The following RIMS2 variants were observed in gnomAD, a reference collection of about 807,000 sequenced individuals.
RIMS2 encodes regulating synaptic membrane exocytosis 2, also known as regulating synaptic membrane exocytosis protein 2.
RIMS2 carries 59 observed loss-of-function variants against 174.4 expected under a neutral mutation model. The observed-to-expected ratio is 0.34, with a 90% CI of 0.27 to 0.42. The LOEUF is 0.42. Among genes scored for constraint, RIMS2 ranks in the 10% least tolerant of loss-of-function variants. The pLI is 1.00. For missense variants in RIMS2, 1,620 were observed against 1,666.3 expected, an observed-to-expected ratio of 0.97 and a Z score of 0.48; for synonymous variants, 606 against 572.5, an observed-to-expected ratio of 1.06 and a Z score of -0.84.
chr8:104,127,003 C>G (rs1245555850), intron 19 of RIMS2, among the ~76,000 whole-genome samples: 1 of 152,056 alleles, frequency 6.6e-6, no homozygotes, highest in African/African-American at 2.4e-5. Context: ...TCTAAATTAT[C>G]TGAAACTCAG....
intron 20 of RIMS2, among the ~76,000 whole-genome samples, 194 bp from the exon 27 acceptor site, chr8:104,248,507 G>A (rs754699327): frequency 1.2e-4 from 19 of 152,158 alleles, no homozygotes; most frequent in Admixed American, 2.0e-4. Flanking sequence ...AGGTGCTTCT[G>A]GTGTCATACT....
chr8:104,205,128 A>G (rs2099073889), intron 19 of RIMS2, among the ~76,000 whole-genome samples: 1 of 152,192 alleles, frequency 6.6e-6, no homozygotes, highest in African/African-American at 2.4e-5. Flanking sequence ...GTAGGGAGAT[A>G]AGAAAGCAAT....
At chr8:103,792,043 A>G (rs1009777767) in intron 3 of RIMS2, among the ~76,000 whole-genome samples, 2 of 152,170 alleles carry the variant, frequency 1.3e-5, no homozygotes, top group Non-Finnish European at 2.9e-5. Context: ...ATATCCAGGA[A>G]TTGAACTCAG....
At chr8:104,101,204 G>A (rs914589841) in intron 19 of RIMS2, among the ~76,000 whole-genome samples, 1 of 150,548 alleles carries the variant, frequency 6.6e-6, no homozygotes, top group Admixed American at 6.6e-5. Context: ...TCGGCTCGCT[G>A]CAACTTCCGT....
chr8:104,000,014 A>G (rs768305183), intron 17 of RIMS2, among the ~76,000 whole-genome samples: 11 of 151,778 alleles, frequency 7.2e-5, no homozygotes, highest in Admixed American at 2.0e-4. Context: ...TTTAGTATGT[A>G]TATTTACATG....
chr8:104,022,420 G>T (rs926351559), intron 19 of RIMS2, among the ~76,000 whole-genome samples: 1 of 151,782 alleles, frequency 6.6e-6, no homozygotes, highest in Non-Finnish European at 1.5e-5. Flanking sequence ...TTGCTCTCTC[G>T]CCCAGGCTGG....
chr8:103,670,810 A>G (rs1026037801), intron 1 of RIMS2, among the ~76,000 whole-genome samples: 8 of 152,222 alleles, frequency 5.3e-5, no homozygotes, highest in African/African-American at 1.9e-4. Flanking sequence ...GGAAGTTCCA[A>G]ACTTTCCCAC....
intron 19 of RIMS2, among the ~76,000 whole-genome samples, chr8:104,183,076 A>G (rs2098949161): frequency 6.6e-6 from 1 of 151,746 alleles, no homozygotes; most frequent in South Asian, 2.1e-4. Flanking sequence ...CCCATATTAA[A>G]TGTTGCTTGC....
At chr8:103,885,892 T>C (rs2099197994) in exon 4 of RIMS2, 1 of 1,612,722 alleles carries the variant, frequency 6.2e-7, no homozygotes, top group Non-Finnish European at 8.5e-7. Context: ...CCACAAACCA[T>C]AGTCCTCCTA....
chr8:104,116,173 TA>T (rs983079742), intron 19 of RIMS2, among the ~76,000 whole-genome samples: 17 of 152,200 alleles, frequency 1.1e-4, no homozygotes, highest in African/African-American at 3.9e-4. Context: ...GTTTGGTGGT[TA>T]ATAATTTCAC....
intron 17 of RIMS2, among the ~76,000 whole-genome samples, chr8:104,006,727 T>A (rs548051816): frequency 6.6e-6 from 1 of 151,364 alleles, no homozygotes; most frequent in East Asian, 2.0e-4. Flanking sequence ...TACATATGCT[T>A]CCTTCACTCC....
intron 19 of RIMS2, chr8:104,223,310 T>G (rs2099164677): frequency 2.1e-6 from 2 of 965,352 alleles, no homozygotes; most frequent in Non-Finnish European, 2.5e-6. Context: ...CAGCGGCATC[T>G]CCCTGCGCGG....
chr8:104,115,370 T>C (rs186339543), intron 19 of RIMS2, among the ~76,000 whole-genome samples: 26 of 152,216 alleles, frequency 1.7e-4, no homozygotes, highest in Non-Finnish European at 2.9e-4. Context: ...TAAAACGATC[T>C]TTGAAATGGT....
chr8:104,214,264 T>C (rs2511558), intron 19 of RIMS2, among the ~76,000 whole-genome samples: 47,048 of 152,116 alleles, frequency 0.31, 7,362 homozygotes, highest in African/African-American at 0.34. Flanking sequence ...CTGAGACTGT[T>C]TTTCTTGGGT....
intron 19 of RIMS2, among the ~76,000 whole-genome samples, chr8:104,108,217 G>A (rs934683655): frequency 6.6e-6 from 1 of 151,836 alleles, no homozygotes; most frequent in African/African-American, 2.4e-5. Context: ...AATTCTAATG[G>A]TATCTTTTGT....
At chr8:103,711,327 A>G (rs1235139250) in intron 2 of RIMS2, among the ~76,000 whole-genome samples, 1 of 152,214 alleles carries the variant, frequency 6.6e-6, no homozygotes, top group Non-Finnish European at 1.5e-5. Flanking sequence ...AGAAATATAG[A>G]AGAGGGCAGC....
chr8:103,971,872 G>A (rs10453058), intron 15 of RIMS2, among the ~76,000 whole-genome samples: 56,557 of 152,022 alleles, frequency 0.37, 11,329 homozygotes, highest in Non-Finnish European at 0.43. Flanking sequence ...CAGCTGGCCA[G>A]TAGTATACTC....
At chr8:104,039,053 T>G (rs1268692423) in intron 19 of RIMS2, among the ~76,000 whole-genome samples, 1 of 151,744 alleles carries the variant, frequency 6.6e-6, no homozygotes, top group African/African-American at 2.4e-5. Context: ...AAAAAAAAAT[T>G]TTTATTGTTG....
intron 4 of RIMS2, among the ~76,000 whole-genome samples, chr8:103,892,404 A>G (rs1047376384): frequency 6.6e-6 from 1 of 151,282 alleles, no homozygotes; most frequent in Non-Finnish European, 1.5e-5. Flanking sequence ...AGGTCTTACT[A>G]TGTTGCGCAG....
Sources: gnomAD v4.1 joint callset for allele counts (sites outside exome capture counted in the v4.1 genomes callset) on GRCh38, gnomAD v4.1.1 for gene constraint, MANE v1.5 for transcripts, NCBI Gene and HGNC (gene_info 2026-07-23, HGNC 2026-07-21) for gene names.